Variants in RASSF3 observed in about 807,000 individuals in gnomAD.
RASSF3 encodes the protein Ras association domain family member 3.
A neutral mutation model predicts 19.9 loss-of-function variants in RASSF3; 19 were observed. The observed-to-expected ratio is 0.96, with a 90% confidence interval of 0.67 to 1.40. The LOEUF is 1.40. RASSF3 is among the 40% of genes most tolerant of loss of function. The pLI is 0.00. For missense variants in RASSF3, 306 were observed against 289.8 expected (o/e 1.06, Z -0.41); for synonymous variants, 110 against 104.2 (o/e 1.06, Z -0.34).
chr12:64,512,897 A>G (rs571904853), intron 1 of RASSF3, among the ~76,000 whole-genome samples: 1 of 152,276 alleles, frequency 6.6e-6, no homozygotes, highest in African/African-American at 2.4e-5. Context: ...AGACAATGAC[A>G]ATCCCATGAG....
intron 1 of RASSF3, among the ~76,000 whole-genome samples, chr12:64,659,951 CGTGTGT>C (rs200835780): frequency 0.048 from 6,932 of 144,812 alleles, 411 homozygotes; most frequent in African/African-American, 0.14. Flanking sequence ...TCATCTAATA[CGTGTGT>C]GTGTGTGTGT....
intron 1 of RASSF3, among the ~76,000 whole-genome samples, chr12:64,653,620 A>G (rs1007352259): frequency 6.6e-6 from 1 of 151,008 alleles, no homozygotes; most frequent in Non-Finnish European, 1.5e-5. Context: ...GCTGGAGTGC[A>G]TTGGCGCAAA....
At chr12:64,652,375 G>A (rs1415441061) in intron 1 of RASSF3, among the ~76,000 whole-genome samples, 2 of 151,456 alleles carry the variant, frequency 1.3e-5, no homozygotes, top group East Asian at 3.9e-4. Flanking sequence ...TTTTAAACAC[G>A]TCTGAGGACT....
At chr12:64,635,154 A>C (rs1871292942) in intron 1 of RASSF3, among the ~76,000 whole-genome samples, 1 of 151,874 alleles carries the variant, frequency 6.6e-6, no homozygotes, top group African/African-American at 2.4e-5. Flanking sequence ...GGGTTTTGAC[A>C]TGTTTCCAAG....
At chr12:64,618,618 C>T (rs751227837) in intron 1 of RASSF3, among the ~76,000 whole-genome samples, 39 of 151,832 alleles carry the variant, frequency 2.6e-4, no homozygotes, top group Non-Finnish European at 5.4e-4. Context: ...TGAGCCACCA[C>T]GCCCGGCCTT....
intron 2 of RASSF3, among the ~76,000 whole-genome samples, chr12:64,558,413 A>G (rs912441763): frequency 2.0e-5 from 3 of 151,628 alleles, no homozygotes; most frequent in African/African-American, 7.3e-5. Flanking sequence ...AAATTTTCAT[A>G]CTCCATGGCC....
chr12:64,686,753 G>A (rs887299158), intron 2 of RASSF3, among the ~76,000 whole-genome samples: 1 of 152,212 alleles, frequency 6.6e-6, no homozygotes, highest in Admixed American at 6.5e-5. Flanking sequence ...CTTGAACTCA[G>A]GAAGTTGAGG....
intron 1 of RASSF3, among the ~76,000 whole-genome samples, chr12:64,524,659 T>G (rs1382070946): frequency 6.6e-6 from 1 of 152,130 alleles, no homozygotes; most frequent in African/African-American, 2.4e-5. Context: ...ACCACTGACT[T>G]TTAATGTGCA....
intron 1 of RASSF3, among the ~76,000 whole-genome samples, chr12:64,635,776 C>T (rs972187064): frequency 6.6e-6 from 1 of 151,996 alleles, no homozygotes; most frequent in Non-Finnish European, 1.5e-5. Flanking sequence ...GGACTTTGTG[C>T]ATGTGTGTGG....
chr12:64,527,892 G>A (rs957389940), intron 1 of RASSF3, among the ~76,000 whole-genome samples: 15 of 151,944 alleles, frequency 9.9e-5, no homozygotes, highest in Admixed American at 6.6e-4. Flanking sequence ...CTGAGATCAA[G>A]CCACTGCACT....
At chr12:64,536,258 C>T (rs1868825822) in intron 1 of RASSF3, among the ~76,000 whole-genome samples, 1 of 151,968 alleles carries the variant, frequency 6.6e-6, no homozygotes, top group South Asian at 2.1e-4. Context: ...GATCTGCCCG[C>T]CTCGGCCTCC....
chr12:64,598,214 C>T (rs1265941546), intron 2 of RASSF3, among the ~76,000 whole-genome samples: 6 of 152,170 alleles, frequency 3.9e-5, no homozygotes, highest in Non-Finnish European at 5.9e-5. Context: ...CCACCTTGCC[C>T]GGCCCTTGAC....
At chr12:64,652,684 C>T (rs573253833) in intron 1 of RASSF3, among the ~76,000 whole-genome samples, 1 of 152,090 alleles carries the variant, frequency 6.6e-6, no homozygotes, top group Non-Finnish European at 1.5e-5. Context: ...CATCTTGCTT[C>T]TAAGAGAGTT....
intron 1 of RASSF3, among the ~76,000 whole-genome samples, chr12:64,534,865 C>G (rs1010078659): frequency 3.3e-5 from 5 of 152,116 alleles, no homozygotes; most frequent in African/African-American, 1.2e-4. Context: ...CATCTTACTA[C>G]CATTATCTAG....
intron 1 of RASSF3, among the ~76,000 whole-genome samples, chr12:64,650,137 C>G (rs370779639): frequency 4.6e-5 from 7 of 152,166 alleles, no homozygotes; most frequent in East Asian, 1.9e-4. Flanking sequence ...ACAGGGGATC[C>G]CCAGTATAAA....
chr12:64,609,235 CA>C (rs1332536766), upstream of RASSF3: 2 of 152,172 alleles, frequency 1.3e-5, no homozygotes, highest in Non-Finnish European at 2.9e-5. Flanking sequence ...TTCAGATCAA[CA>C]GAACGCAAAG....
At chr12:64,552,024 A>G (rs1869172990) in intron 2 of RASSF3, among the ~76,000 whole-genome samples, 1 of 152,230 alleles carries the variant, frequency 6.6e-6, no homozygotes, top group Non-Finnish European at 1.5e-5. Flanking sequence ...TGTTGGTCCA[A>G]GAACAGAAAC....
intron 1 of RASSF3, among the ~76,000 whole-genome samples, chr12:64,672,151 T>C (rs1872722232): frequency 1.3e-5 from 2 of 152,170 alleles, no homozygotes; most frequent in Non-Finnish European, 2.9e-5. Flanking sequence ...ATCAGAGTAA[T>C]ATCACCCCAA....
At chr12:64,605,013 C>T (rs1481214645) in intron 2 of RASSF3, among the ~76,000 whole-genome samples, 21 of 143,370 alleles carry the variant, frequency 1.5e-4, no homozygotes, top group Non-Finnish European at 7.6e-5. Context: ...TTAGGCAGAG[C>T]CTTGCTCTGT....
Sources: gnomAD v4.1 joint callset for allele counts (sites outside exome capture counted in the v4.1 genomes callset) on GRCh38, gnomAD v4.1.1 for gene constraint, MANE v1.5 for transcripts, NCBI Gene and HGNC (gene_info 2026-07-23, HGNC 2026-07-21) for gene names.